Variants in DDB1 observed in about 807,000 individuals in gnomAD.
DDB1 encodes the protein damage specific DNA binding protein 1, also known as DNA damage-binding protein 1.
A neutral mutation model predicts 133.1 loss-of-function variants in DDB1; 18 were observed. The ratio of observed to expected loss-of-function variants is 0.14; its 90% CI spans 0.09 to 0.20. The LOEUF is 0.20. Among genes scored for constraint, DDB1 ranks in the 10% least tolerant of loss-of-function variants. The pLI, the probability that DDB1 is intolerant of heterozygous loss-of-function variation, is 1.00. For missense variants in DDB1, 828 were observed against 1,459.2 expected (o/e 0.57, Z 7.05); for synonymous variants, 580 against 550.5 (o/e 1.05, Z -0.75).
intron 23 of DDB1, 21 bp from the exon 24 acceptor site, chr11:61,302,772 C>A: frequency 6.2e-7 from 1 of 1,613,820 alleles, no homozygotes; most frequent in South Asian, 1.1e-5. Flanking sequence ...GTAAGAAAGT[C>A]ACTTTCTGAA....
chr11:61,314,480 A>T lies in DDB1; in HGVS notation c.1417T>A (p.Ser473Thr). The T allele has an allele frequency of 6.2e-7, 1 of 1,611,298 alleles. No homozygotes were observed. The highest frequency in any genetic ancestry group is 1.1e-5 in the South Asian group (1 of 90,658). ...TGAGAGACCAACCTCACCGATGCTGAAGTGATCTAGATAAACAGCAGATGA... is the reference window on the plus strand; with the variant it reads ...TGAGAGACCAACCTCACCGATGCTGTAGTGATCTAGATAAACAGCAGATGA... Reference protein sequence around the residue: ...VAHQQLIQITSASVRLVSQEP... With the variant: ...VAHQQLIQITTASVRLVSQEP... Residue 473 changes from serine to threonine, a missense_variant, in exon 13 of 27, where the codon TCA becomes ACA. Ser to Thr is a moderately conservative substitution (Grantham distance 58, BLOSUM62 1). Around this residue, in one of 7 missense-constraint regions of DDB1, gnomAD observed 396 missense variants for 554.1 expected, o/e 0.71. Coordinates refer to ENST00000301764, the MANE Select transcript of DDB1 (RefSeq NM_001923.5).
At position 61,316,487 on chromosome 11, in the gene DDB1, C is replaced by A; in HGVS notation, c.1301+5G>T. 4 of 1,614,164 alleles carry A rather than the reference C, an allele frequency of 2.5e-6. No individual in the cohort carries two copies. The highest frequency in any genetic ancestry group is 3.4e-6 in the Non-Finnish European group (4 of 1,180,040). On this transcript the variant is annotated splice_donor_5th_base_variant and intron_variant, in intron 11 of 26. Coordinates refer to ENST00000301764, the MANE Select transcript of DDB1 (RefSeq NM_001923.5). ...ACCTACAGCTGGCACTAGACCCATC[C>A]TTACCTTGTCTGGCCCACAAAAGAG...
At chr11:61,314,718 G>T (rs922452856) in intron 12 of DDB1, 2 of 455,614 alleles carry the variant, frequency 4.4e-6, no homozygotes, top group Middle Eastern at 5.5e-4. Flanking sequence ...CAGCTGGTGG[G>T]GAAAAGGCCT....
In DDB1 at chr11:61,325,495, G is replaced by T. The variant is rs1231385550; in HGVS notation, c.762+116C>A. The T allele has an allele frequency of 4.9e-6, 4 of 811,936 alleles. No homozygotes were observed. In the African/African-American group the frequency reaches 5.2e-5, roughly 11 times the overall value. 50.3% of individuals were successfully genotyped at this position (811,936 alleles called of 1,614,324 possible). A position where few individuals can be genotyped will look rare whatever the true frequency, so the allele number is the denominator to read the frequency against. Reference sequence around the variant, plus strand: ...GCCAACGCAATACCTTATATACATAGTAAATTGTGTAACAGGCATCTGTGA... The same window carrying T: ...GCCAACGCAATACCTTATATACATATTAAATTGTGTAACAGGCATCTGTGA... On this transcript the variant is annotated intron_variant, in intron 6 of 26. Transcript: ENST00000301764.
intron 10 of DDB1, among the ~76,000 whole-genome samples, chr11:61,317,444 C>T (rs960068229): frequency 2.0e-5 from 3 of 152,026 alleles, no homozygotes; most frequent in Non-Finnish European, 4.4e-5. Context: ...TGTTTTGAGC[C>T]TATTTTAAAT....
Position 61,303,910 on chromosome 11 carries a change from T to G in DDB1, c.2787A>C (p.Ser929=), listed in dbSNP as rs748968679. ...DFILVGDLMR[S]VLLLAYKPME... is the part of the protein sequence containing the mutation. ...TGGGCTTGTAGGCAAGCAGCAGCAC[T>G]GAGCGCATAAGGTCGCCCACCAGGA... The change falls in exon 22 of 27, where the codon TCA becomes TCC. Residue 929 remains serine, a synonymous_variant. Coordinates refer to ENST00000301764, the MANE Select transcript of DDB1 (RefSeq NM_001923.5). 1.9e-6 allele frequency: 3 copies of G among 1,613,996 alleles called. No individual in the cohort carries two copies. The highest frequency in any genetic ancestry group is 2.2e-5 in the South Asian group (2 of 91,062).
intron 23 of DDB1, 98 bp downstream of exon 23, chr11:61,302,948 G>A (rs578155601): frequency 1.5e-6 from 2 of 1,314,566 alleles, no homozygotes; most frequent in African/African-American, 1.5e-5. Context: ...CTGTAAACAG[G>A]AGCACCTGAA....
At chr11:61,315,837 T>C (rs980015361) in intron 12 of DDB1, 1 of 156,256 alleles carries the variant, frequency 6.4e-6, no homozygotes, top group East Asian at 1.9e-4. Flanking sequence ...AATTAGTATG[T>C]GGAAAGGGCT....
chr11:61,305,222 T>C (rs983377876), intron 21 of DDB1, among the ~76,000 whole-genome samples: 2 of 152,348 alleles, frequency 1.3e-5, no homozygotes, highest in African/African-American at 2.4e-5. Flanking sequence ...ATAATTACAA[T>C]GGTTGGCGGG....
chr11:61,324,815 A>G (rs1856243041), intron 6 of DDB1, among the ~76,000 whole-genome samples: 1 of 152,252 alleles, frequency 6.6e-6, no homozygotes, highest in Non-Finnish European at 1.5e-5. Context: ...ATATTACTTT[A>G]TATGACTTGA....
At position 61,323,045 on chromosome 11, in the gene DDB1, A is replaced by G; in HGVS notation, c.971T>C (p.Val324Ala). The G allele has an allele frequency of 6.2e-7, 1 of 1,614,092 alleles. No individual in the cohort carries two copies. Among genetic ancestry groups the G allele is most frequent in the Non-Finnish European group, 8.5e-7 (1 of 1,180,008 alleles). ...CTGGGAGTCACCCAGGCGAGACCCG[A>G]CAAACACAACACCATTATCAAGGTA... Reference protein sequence around the residue: ...LTYLDNGVVFVGSRLGDSQLV... With the variant: ...LTYLDNGVVFAGSRLGDSQLV... Residue 324 changes from valine to alanine, a missense_variant, in exon 8 of 27, where the codon GTC becomes GCC. Transcript: ENST00000301764.
At chr11:61,316,239 GTCAAT>G (rs774016317) in intron 12 of DDB1, 41 bp downstream of exon 12, 36 of 1,540,476 alleles carry the variant, frequency 2.3e-5, no homozygotes, top group Non-Finnish European at 3.1e-5. Context: ...CTGCATCTAG[GTCAAT>G]TCAAGTATAT....
At chr11:61,331,399 G>A (rs1455834996) in intron 2 of DDB1, 144 bp downstream of exon 2, 1 of 1,092,072 alleles carries the variant, frequency 9.2e-7, no homozygotes, top group South Asian at 1.6e-5. Context: ...TGGAGGGATT[G>A]CTTGAGCTCA....
intron 22 of DDB1, among the ~76,000 whole-genome samples, chr11:61,303,524 TA>T (rs1380567413): frequency 6.6e-6 from 1 of 151,864 alleles, no homozygotes; most frequent in Non-Finnish European, 1.5e-5. Flanking sequence ...CCGTCTCTAC[TA>T]AAAATACCAA....
rs900814834 is a variant in DDB1, at chr11:61,316,406, G to T, written c.1302-13C>A. 7 of 1,613,792 alleles carry T rather than the reference G, an allele frequency of 4.3e-6. No homozygotes were observed. The highest frequency in any genetic ancestry group is 5.9e-6 in the Non-Finnish European group (7 of 1,179,710). ...TAACATGAGAACTCTGCAGCAGAAT[G>T]GAGGGCCTGGGTCAGCCTGGGACCA... On this transcript the variant is annotated splice_polypyrimidine_tract_variant and intron_variant, in intron 11 of 26. Coordinates refer to ENST00000301764, the MANE Select transcript of DDB1 (RefSeq NM_001923.5).
Position 61,302,617 on chromosome 11 carries a change from C to T in DDB1, c.3077G>A (p.Gly1026Asp). ...NLGETSTPTQ[G>D]SVLFGTVNGM... Reference sequence around the variant, plus strand: ...GTTGACCGTGCCGAAGAGCACCGAGCCTTGTGTGGGGGTGGAAGTCTCACC... The same window carrying T: ...GTTGACCGTGCCGAAGAGCACCGAGTCTTGTGTGGGGGTGGAAGTCTCACC... The change falls in exon 24 of 27, where the codon GGC becomes GAC. Residue 1026 changes from glycine (G) to aspartate (D), a missense_variant. Transcript: ENST00000301764. 6.2e-7 allele frequency: 1 copy of T among 1,614,186 alleles called. No individual in the cohort carries two copies. The highest frequency in any genetic ancestry group is 8.5e-7 in the Non-Finnish European group (1 of 1,180,032).
At chr11:61,325,926 T>C in intron 5 of DDB1, 1 of 619,746 alleles carries the variant, frequency 1.6e-6, no homozygotes, top group Non-Finnish European at 2.9e-6. Context: ...ACTGCCACTC[T>C]TCTGGTGTTC....
chr11:61,322,658 G>A, intron 8 of DDB1: 1 of 546,692 alleles, frequency 1.8e-6, no homozygotes, highest in Non-Finnish European at 3.2e-6. Flanking sequence ...AGTAGTGAAT[G>A]TTTGAAAATT....
At chr11:61,314,011 A>C (rs764967864) in intron 14 of DDB1, 36 bp downstream of exon 14, 1 of 1,613,750 alleles carries the variant, frequency 6.2e-7, no homozygotes, top group East Asian at 2.2e-5. Context: ...CCACATTTTG[A>C]CTCTGTCCCA....
Sources: allele counts gnomAD v4.1 joint callset (sites outside exome capture counted in the v4.1 genomes callset), GRCh38; gene constraint gnomAD v4.1.1; regional missense constraint gnomAD v4.1.1; transcripts MANE v1.5; gene names NCBI Gene and HGNC (gene_info 2026-07-23, HGNC 2026-07-21).